CRB1: variants seen among roughly 807,000 people sequenced by gnomAD.
CRB1 encodes the protein crumbs cell polarity complex component 1.
In CRB1, 83 loss-of-function variants were observed where a neutral mutation model predicts 120.0. The observed-to-expected ratio is 0.69, with a 90% CI of 0.58 to 0.83. The LOEUF (loss-of-function observed/expected upper bound fraction) is 0.83. Ranked by LOEUF, CRB1 falls within the 40% of genes least tolerant of loss-of-function variation. CRB1 has a pLI of 0.00. For missense variants in CRB1, 1,699 were observed against 1,687.6 expected (o/e 1.01, Z -0.12); for synonymous variants, 625 against 612.5 (o/e 1.02, Z -0.30).
At chr1:197,310,930 T>G (rs1657481216) in intron 1 of CRB1, among the ~76,000 whole-genome samples, 1 of 152,202 alleles carries the variant, frequency 6.6e-6, no homozygotes, top group Non-Finnish European at 1.5e-5. Context: ...CCCATGGAGA[T>G]GAAGACACTA....
intron 6 of CRB1, among the ~76,000 whole-genome samples, chr1:197,426,847 T>G (rs1382207990): frequency 6.6e-6 from 1 of 152,168 alleles, no homozygotes; most frequent in Admixed American, 6.5e-5. Flanking sequence ...ATTTATGTTA[T>G]TTACAGACTA....
Position 197,442,137 on chromosome 1 carries a change from G to T in CRB1, c.3879-29G>T, listed in dbSNP as rs577173887. The T allele has an allele frequency of 3.2e-5, 51 of 1,614,016 alleles. No homozygotes were observed. In the South Asian group the frequency reaches 5.4e-4, roughly 17 times the overall value. The stretch of plus-strand genomic sequence containing the variant: ...CAACCAATGTATTCAACAGGGACCT[G>T]GGTTTCTGCTGTTCTGTTTATTTTG... On this transcript the variant is annotated intron_variant, in intron 10 of 11. Coordinates refer to ENST00000367400, the MANE Select transcript of CRB1 (RefSeq NM_201253.3).
chr1:197,442,644 T>C (rs1372073744), intron 11 of CRB1: 8 of 864,666 alleles, frequency 9.3e-6, no homozygotes, highest in East Asian at 5.9e-5. Context: ...TAACTAGAAA[T>C]ATCTCCTTAT....
chr1:197,432,656 T>A (rs1056765809), intron 8 of CRB1, among the ~76,000 whole-genome samples: 5 of 152,074 alleles, frequency 3.3e-5, no homozygotes. Flanking sequence ...CTTGGTTTCA[T>A]AAAGCTTATG....
At chr1:197,413,061 G>T (rs1663793233) in intron 5 of CRB1, among the ~76,000 whole-genome samples, 1 of 152,128 alleles carries the variant, frequency 6.6e-6, no homozygotes, top group African/African-American at 2.4e-5. Flanking sequence ...CAACCTAAAG[G>T]AATTGCTCTG....
At chr1:197,462,314 A>G (rs1273244681) in intron 11 of CRB1, among the ~76,000 whole-genome samples, 2 of 152,148 alleles carry the variant, frequency 1.3e-5, no homozygotes, top group Non-Finnish European at 2.9e-5. Flanking sequence ...ATATAGTGGA[A>G]TATGTGTGTA....
chr1:197,348,041 C>A (rs769552365), intron 4 of CRB1, among the ~76,000 whole-genome samples: 1 of 152,152 alleles, frequency 6.6e-6, no homozygotes, highest in Non-Finnish European at 1.5e-5. Flanking sequence ...AATATTGATG[C>A]TAATTTTGCA....
the CRB1 span, among the ~76,000 whole-genome samples, chr1:197,234,287 A>T: frequency 6.6e-6 from 1 of 152,200 alleles, no homozygotes; most frequent in Admixed American, 6.5e-5. Context: ...AGACTAGTTT[A>T]TAAAAGGCAC....
At chr1:197,305,000 G>T (rs1375970739) in intron 1 of CRB1, among the ~76,000 whole-genome samples, 1 of 152,168 alleles carries the variant, frequency 6.6e-6, no homozygotes, top group Non-Finnish European at 1.5e-5. Context: ...GTCATTACTG[G>T]AAGGCCCTGC....
intron 6 of CRB1, among the ~76,000 whole-genome samples, chr1:197,425,411 A>G (rs1369985514): frequency 6.6e-6 from 1 of 152,216 alleles, no homozygotes; most frequent in Non-Finnish European, 1.5e-5. Context: ...AAGTTTTACT[A>G]TAGTTAAGCT....
chr1:197,353,998 A>C (rs1283086921), intron 4 of CRB1, among the ~76,000 whole-genome samples: 1 of 150,738 alleles, frequency 6.6e-6, no homozygotes, highest in Non-Finnish European at 1.5e-5. Flanking sequence ...TAATGAAAAA[A>C]ACAGGAAAAA....
At chr1:197,472,545 C>A (rs1019155909) in intron 11 of CRB1, among the ~76,000 whole-genome samples, 2 of 152,102 alleles carry the variant, frequency 1.3e-5, no homozygotes, top group African/African-American at 4.8e-5. Flanking sequence ...TTTCAGAGCT[C>A]CTTCTGATAT....
chr1:197,460,097 T>G (rs1666459882), intron 11 of CRB1, among the ~76,000 whole-genome samples: 1 of 149,174 alleles, frequency 6.7e-6, no homozygotes, highest in African/African-American at 2.4e-5. Flanking sequence ...GATGCTCTCC[T>G]ATTTCTCTCA....
Position 197,478,027 on chromosome 1 carries a change from T to C in CRB1, c.*148T>C, listed in dbSNP as rs1667276668. On this transcript the variant is annotated 3_prime_UTR_variant, in exon 12 of 12. Transcript: ENST00000367400. The stretch of plus-strand genomic sequence containing the variant: ...TGATTCCTTTGACCACCTTAAAAAC[T>C]TTCACAGTGGTTCCGCTCGACACCA... The C allele has an allele frequency of 1.2e-6, 1 of 839,762 alleles. No homozygotes were observed. The highest frequency in any genetic ancestry group is 2.0e-6 in the Non-Finnish European group (1 of 504,772). The allele number at this position is 839,762 out of a possible 1,614,324, so 52.0% of individuals were successfully genotyped here. A position where few individuals can be genotyped will look rare whatever the true frequency, so the allele number is the denominator to read the frequency against.
chr1:197,333,550 G>A (rs1469984742), intron 2 of CRB1, among the ~76,000 whole-genome samples: 2 of 152,200 alleles, frequency 1.3e-5, no homozygotes, highest in African/African-American at 4.8e-5. Context: ...CCAGTTCAAT[G>A]TATGTTGAAA....
intron 7 of CRB1, among the ~76,000 whole-genome samples, chr1:197,428,743 G>A (rs993110188): frequency 1.1e-4 from 17 of 152,168 alleles, no homozygotes; most frequent in African/African-American, 4.1e-4. Flanking sequence ...TTCTATTGAA[G>A]GACTACTGTG....
At chr1:197,224,941 T>C in the CRB1 span, among the ~76,000 whole-genome samples, 3 of 152,188 alleles carry the variant, frequency 2.0e-5, no homozygotes, top group African/African-American at 4.8e-5. Context: ...GGCTATTAGA[T>C]AATATGTGCT....
chr1:197,457,155 C>T (rs544111905), intron 11 of CRB1, among the ~76,000 whole-genome samples: 1 of 152,232 alleles, frequency 6.6e-6, no homozygotes, highest in South Asian at 2.1e-4. Context: ...CTCCCCCACA[C>T]AATCAGCATT....
chr1:197,293,747 G>A (rs1211312181), intron 1 of CRB1, among the ~76,000 whole-genome samples: 2 of 152,074 alleles, frequency 1.3e-5, no homozygotes, highest in African/African-American at 4.8e-5. Context: ...AGAGCCCTCA[G>A]AAATAATACC....
Sources: allele counts gnomAD v4.1 joint callset (sites outside exome capture counted in the v4.1 genomes callset), GRCh38; gene constraint gnomAD v4.1.1; transcripts MANE v1.5; gene names NCBI Gene and HGNC (gene_info 2026-07-23, HGNC 2026-07-21).